Variants in POR observed in about 807,000 individuals in gnomAD.
The protein encoded by POR is NADPH--cytochrome P450 reductase.
Under a neutral mutation model 84.0 loss-of-function variants are expected in POR, and 56 were observed. The observed-to-expected ratio is 0.67, with a 90% confidence interval of 0.54 to 0.83. The LOEUF is 0.83. POR is among the 40% of genes least tolerant of loss of function. POR has a pLI of 0.00. For missense variants in POR, 938 were observed against 944.3 expected, an observed-to-expected ratio of 0.99 and a Z score of 0.09; for synonymous variants, 414 against 400.5, an observed-to-expected ratio of 1.03 and a Z score of -0.40.
chr7:75,931,353 AT>A (rs1488369595), intron 1 of POR, among the ~76,000 whole-genome samples: 2 of 147,416 alleles, frequency 1.4e-5, no homozygotes, highest in Admixed American at 1.3e-4. Context: ...TTATTTATTT[AT>A]TTATTTATTT....
chr7:75,918,260 C>T (rs543639137), intron 1 of POR, among the ~76,000 whole-genome samples: 30 of 152,092 alleles, frequency 2.0e-4, no homozygotes, highest in Non-Finnish European at 3.7e-4. Context: ...GAGCCGAGAT[C>T]GTGCTGCTGC....
rs199937789 is a variant in POR at position 75,985,123 on chromosome 7, G to A, written c.1314G>A (p.Pro438=). 8.3e-5 allele frequency: 133 copies of A among 1,599,962 alleles called. No individual in the cohort carries two copies. Among genetic ancestry groups the A allele is most frequent in the East Asian group, 2.2e-4 (10 of 44,878 alleles). Residue 438 remains proline, a synonymous_variant, in exon 12 of 16, where the codon CCG becomes CCA. Coordinates refer to ENST00000461988, the MANE Select transcript of POR (RefSeq NM_000941.3). Reference sequence around the variant, plus strand: ...TCCTGGCCATCCTGCAGGACTGCCCGTCCCTGCGGCCCCCCATCGACCACC... The same window carrying A: ...TCCTGGCCATCCTGCAGGACTGCCCATCCCTGCGGCCCCCCATCGACCACC...
rs985515113 is a variant in POR, at chr7:75,982,256, A to C, written c.764A>C (p.Asp255Ala). The C allele has an allele frequency of 6.2e-7, 1 of 1,612,730 alleles. No individual in the cohort carries two copies. Among genetic ancestry groups the C allele is most frequent in the Non-Finnish European group, 8.5e-7 (1 of 1,179,598 alleles). ...CAGTACGAGCTTGTGGTCCACACCG[A>C]CATAGATGCGGCCAAGGTGTACATG... The change falls in exon 8 of 16, where the codon GAC (aspartate) becomes GCC (alanine). Residue 255 changes from aspartate to alanine, a missense_variant. By Grantham distance (126) the Asp-to-Ala change is moderately radical (BLOSUM62 -2). Transcript: ENST00000461988.
intron 2 of POR, among the ~76,000 whole-genome samples, chr7:75,965,919 G>A (rs996838169): frequency 6.6e-6 from 1 of 152,106 alleles, no homozygotes. Context: ...GAACGTGCCC[G>A]GGGCGCACTG....
chr7:75,952,193 C>T (rs1585103637), intron 1 of POR, among the ~76,000 whole-genome samples: 1 of 95,824 alleles, frequency 1.0e-5, no homozygotes, highest in South Asian at 4.3e-4. Context: ...GGGGGGCTGA[C>T]CCCCCCACCT....
rs782172563 is a variant in POR, at chr7:75,981,060, G to C, written c.529G>C (p.Gly177Arg). The C allele has an allele frequency of 6.3e-7, 1 of 1,575,120 alleles. No homozygotes were observed. Residue 177 changes from glycine to arginine, a missense_variant, in exon 6 of 16, where the codon GGG becomes CGG. Gly to Arg is a moderately radical substitution (Grantham distance 125). Coordinates refer to ENST00000461988, the MANE Select transcript of POR (RefSeq NM_000941.3). ...TGTGTCCACGCAGGTGTTTGGTCTT[G>C]GGAACAAGACCTACGAGCACTTCAA...
chr7:75,943,874 C>T (rs782730593), intron 1 of POR: 9 of 508,662 alleles, frequency 1.8e-5, no homozygotes, highest in African/African-American at 5.9e-5. Context: ...CAAAGGGCTG[C>T]GCGTCTCCTG....
At chr7:75,982,186 G>T (rs1554558143) in intron 7 of POR, 38 bp from the exon 8 acceptor site, 1 of 1,543,126 alleles carries the variant, frequency 6.5e-7, no homozygotes. Context: ...ACTGACCCCT[G>T]CCGCTTCCCG....
In POR at chr7:75,947,962, C is replaced by T. The variant is rs144431218; in HGVS notation, c.-4-6027C>T. On this transcript the variant is annotated intron_variant, in intron 1 of 15. Coordinates refer to ENST00000461988, the MANE Select transcript of POR (RefSeq NM_000941.3). ...CTCATTTGTGGCCTCAGCCCCCAGG[C>T]ACACTGCTTGGATCCTGGGATTCCT... Among the ~76,000 whole-genome samples, 95 of 152,250 alleles carry T rather than the reference C, an allele frequency of 6.2e-4. No individual in the cohort carries two copies. The East Asian group carries it at 0.017, about 27-fold the overall frequency.
chr7:75,938,047 A>C (rs1289600384), intron 1 of POR, among the ~76,000 whole-genome samples: 1 of 152,172 alleles, frequency 6.6e-6, no homozygotes, highest in African/African-American at 2.4e-5. Flanking sequence ...GGGCCTGGTC[A>C]GTTCGATTTG....
At chr7:75,961,581 C>T (rs1205393033) in intron 2 of POR, among the ~76,000 whole-genome samples, 1 of 152,178 alleles carries the variant, frequency 6.6e-6, no homozygotes, top group Non-Finnish European at 1.5e-5. Flanking sequence ...CATACGCCTC[C>T]AGCCCCCAGT....
chr7:75,933,376 GTTTTTTTTTTTTTT>G (rs200575911), intron 1 of POR, among the ~76,000 whole-genome samples: 4 of 92,112 alleles, frequency 4.3e-5, no homozygotes, highest in East Asian at 3.1e-4. Flanking sequence ...ATAGGTCTTT[GTTTTTTTTTTTTTT>G]TTTTTTTTTT....
At chr7:75,929,543 C>T (rs1179270822) in intron 1 of POR, among the ~76,000 whole-genome samples, 9 of 152,116 alleles carry the variant, frequency 5.9e-5, no homozygotes, top group South Asian at 2.1e-4. Flanking sequence ...TGTGAGCCAC[C>T]GCGCCCGGCC....
intron 1 of POR, among the ~76,000 whole-genome samples, chr7:75,953,257 G>C (rs1426818538): frequency 7.0e-6 from 1 of 143,850 alleles, no homozygotes; most frequent in Non-Finnish European, 1.5e-5. Flanking sequence ...GCAGTGAGCC[G>C]AGATGGCAGC....
In POR at chr7:75,982,283, G is replaced by A. The variant is rs1554558186; in HGVS notation, c.791G>A (p.Gly264Glu). The A allele has an allele frequency of 1.9e-6, 3 of 1,612,794 alleles. No homozygotes were observed. The highest frequency in any genetic ancestry group is 2.5e-6 in the Non-Finnish European group (3 of 1,179,588). The change falls in exon 8 of 16, where the codon GGG becomes GAG. Residue 264 changes from glycine (G) to glutamate (E), a missense_variant. Coordinates refer to ENST00000461988, the MANE Select transcript of POR (RefSeq NM_000941.3). ...ATAGATGCGGCCAAGGTGTACATGGGGGAGATGGGCCGGCTGAAGAGCTAC... is the reference window on the plus strand; with the variant it reads ...ATAGATGCGGCCAAGGTGTACATGGAGGAGATGGGCCGGCTGAAGAGCTAC...
intron 2 of POR, among the ~76,000 whole-genome samples, chr7:75,960,292 AAAT>A (rs142864869): frequency 3.5e-4 from 52 of 148,990 alleles, no homozygotes; most frequent in Middle Eastern, 3.5e-3. Context: ...CCCCCTCTCA[AAAT>A]AATAATAATA....
Position 75,983,794 on chromosome 7 carries a change from A to G in POR, c.1004A>G (p.Asn335Ser), listed in dbSNP as rs926937573. 22 of 1,612,228 alleles carry G rather than the reference A, an allele frequency of 1.4e-5. No homozygotes were observed. In the Admixed American group the frequency reaches 3.7e-4, roughly 27 times the overall value. Residue 335 changes from asparagine (N) to serine (S), a missense_variant, in exon 10 of 16, where the codon AAC becomes AGC. Physicochemically the swap from Asn to Ser is conservative, Grantham distance 46 (BLOSUM62 1). Transcript: ENST00000461988. ...CCAGCCAACGACTCTGCTCTCGTCA[A>G]CCAGCTGGGCAAAATCCTGGGTGCC...
intron 1 of POR, among the ~76,000 whole-genome samples, chr7:75,950,532 G>A (rs1554552604): frequency 6.6e-6 from 1 of 152,158 alleles, no homozygotes; most frequent in Non-Finnish European, 1.5e-5. Context: ...ACTGGTTCCA[G>A]TGGGGCCCTG....
chr7:75,926,776 C>A (rs1414156420), intron 1 of POR, among the ~76,000 whole-genome samples: 1 of 152,060 alleles, frequency 6.6e-6, no homozygotes, highest in African/African-American at 2.4e-5. Context: ...CCAGCCTGGG[C>A]AACAAGAGCG....
Sources: gnomAD v4.1 joint callset for allele counts (sites outside exome capture counted in the v4.1 genomes callset) on GRCh38, gnomAD v4.1.1 for gene constraint, MANE v1.5 for transcripts, NCBI Gene and HGNC (gene_info 2026-07-23, HGNC 2026-07-21) for gene names.